The following USP13 variants were observed in gnomAD, a reference collection of about 807,000 sequenced individuals.
USP13 encodes ubiquitin carboxyl-terminal hydrolase 13.
Under a neutral mutation model 107.8 loss-of-function variants are expected in USP13, and 68 were observed. The observed-to-expected ratio is 0.63, with a 90% CI of 0.52 to 0.77. The LOEUF is 0.77. USP13 is among the 30% of genes least tolerant of loss of function. The pLI is 0.00. For synonymous variants in USP13, 377 were observed against 389.5 expected, an observed-to-expected ratio of 0.97 and a Z score of 0.38; for missense variants, 945 against 1,093.3, an observed-to-expected ratio of 0.86 and a Z score of 1.91.
At position 179,701,048 on chromosome 3, in the gene USP13, A is replaced by G. The variant is rs1712498180; in HGVS notation, c.396A>G (p.Glu132=). 6.2e-7 allele frequency: 1 copy of G among 1,613,944 alleles called. No individual in the cohort carries two copies. The highest frequency in any genetic ancestry group is 1.3e-5 in the African/African-American group (1 of 74,926). The part of the protein sequence containing the change: ...TDDDLNSDDY[E]YEDEAKLVIF... ...ACGATTTAAATAGCGACGATTATGA[A>G]TATGAAGATGAAGCCAAACTTGTTA... is the stretch of plus-strand genomic sequence containing the variant. Residue 132 remains glutamate, a synonymous_variant, in exon 4 of 21, where the codon GAA becomes GAG. Transcript: ENST00000263966.
intron 2 of USP13, among the ~76,000 whole-genome samples, chr3:179,683,148 T>G (rs1711728465): frequency 6.6e-6 from 1 of 152,004 alleles, no homozygotes; most frequent in Admixed American, 6.6e-5. Flanking sequence ...TGATGAGTTA[T>G]TTTTACATTC....
rs903875868 is a variant in USP13, at chr3:179,753,585, T to C, written c.1799-1147T>C. 8.5e-5 allele frequency among the ~76,000 whole-genome samples: 13 copies of C among 152,366 alleles called. No individual in the cohort carries two copies. The East Asian group carries it at 2.3e-3, about 27-fold the overall frequency. On this transcript the variant is annotated intron_variant, in intron 14 of 20. Transcript: ENST00000263966. The stretch of plus-strand genomic sequence containing the variant: ...TAAGGAACCTCAAAATGTTCTTGAA[T>C]GAACCTGAATTTTTCTCTTAAGGAG...
chr3:179,746,431 T>C (rs985059732), intron 13 of USP13, among the ~76,000 whole-genome samples: 2 of 150,266 alleles, frequency 1.3e-5, no homozygotes, highest in African/African-American at 2.4e-5. Flanking sequence ...TTTTTGTATA[T>C]TTTTTTTTGT....
intron 2 of USP13, 139 bp downstream of exon 2, chr3:179,682,142 C>A: frequency 9.0e-7 from 1 of 1,108,480 alleles, no homozygotes; most frequent in Non-Finnish European, 1.2e-6. Context: ...AACAGCACTG[C>A]TTGCAAAATC....
intron 19 of USP13, among the ~76,000 whole-genome samples, chr3:179,774,269 T>C (rs1715434852): frequency 1.3e-5 from 2 of 152,242 alleles, no homozygotes; most frequent in African/African-American, 2.4e-5. Flanking sequence ...TCCACCTCCA[T>C]GTCCCAAATA....
intron 1 of USP13, among the ~76,000 whole-genome samples, chr3:179,675,132 G>A (rs1434567442): frequency 1.3e-5 from 2 of 150,954 alleles, no homozygotes; most frequent in Admixed American, 1.3e-4. Context: ...CAGAGATCAC[G>A]CCACTGTACT....
At chr3:179,662,131 C>T (rs897050634) in intron 1 of USP13, among the ~76,000 whole-genome samples, 1 of 152,152 alleles carries the variant, frequency 6.6e-6, no homozygotes, top group Non-Finnish European at 1.5e-5. Flanking sequence ...TATTTTCTGA[C>T]CAAATCTGGA....
intron 6 of USP13, among the ~76,000 whole-genome samples, chr3:179,710,213 T>G (rs1223784077): frequency 6.6e-6 from 1 of 152,188 alleles, no homozygotes; most frequent in East Asian, 1.9e-4. Context: ...GAAAGGAAAT[T>G]CAAGACAAGC....
intron 19 of USP13, among the ~76,000 whole-genome samples, chr3:179,780,469 A>G (rs1715706770): frequency 1.3e-5 from 2 of 152,196 alleles, no homozygotes; most frequent in Admixed American, 6.5e-5. Context: ...TAAGAAAACA[A>G]TATCATTTAC....
intron 19 of USP13, among the ~76,000 whole-genome samples, chr3:179,766,164 G>T: frequency 6.6e-6 from 1 of 152,014 alleles, no homozygotes; most frequent in East Asian, 1.9e-4. Context: ...ATTTTTAGTA[G>T]AGACGGGGAT....
intron 6 of USP13, among the ~76,000 whole-genome samples, chr3:179,713,769 C>T (rs1309920275): frequency 1.3e-5 from 2 of 152,126 alleles, no homozygotes; most frequent in East Asian, 3.9e-4. Flanking sequence ...ACGTGGAATC[C>T]AAGAAGGTTG....
chr3:179,765,621 TTGAA>T, intron 18 of USP13, 70 bp from the exon 19 acceptor site: 1 of 1,533,648 alleles, frequency 6.5e-7, no homozygotes, highest in Non-Finnish European at 8.8e-7. Context: ...TGACATCTAG[TTGAA>T]ATGGTCAGGA....
chr3:179,750,948 G>A (rs1714590498), intron 13 of USP13, among the ~76,000 whole-genome samples: 1 of 152,162 alleles, frequency 6.6e-6, no homozygotes, highest in African/African-American at 2.4e-5. Context: ...ACACTAGGGG[G>A]AAGCAATACA....
At chr3:179,691,911 C>G (rs1712130097) in intron 3 of USP13, among the ~76,000 whole-genome samples, 1 of 152,112 alleles carries the variant, frequency 6.6e-6, no homozygotes, top group Non-Finnish European at 1.5e-5. Context: ...AATATTTGAC[C>G]AAACAAGTTT....
chr3:179,741,349 AC>A (rs199928466), intron 11 of USP13, among the ~76,000 whole-genome samples: 10,794 of 152,168 alleles, frequency 0.071, 916 homozygotes, highest in African/African-American at 0.19. Context: ...CCTTGTTAGA[AC>A]TAGGCTGCAG....
intron 1 of USP13, among the ~76,000 whole-genome samples, chr3:179,669,337 G>A (rs948198122): frequency 5.3e-5 from 8 of 152,130 alleles, no homozygotes; most frequent in Admixed American, 3.9e-4. Flanking sequence ...GCACACGCCT[G>A]TGGTCCCAGC....
intron 10 of USP13, among the ~76,000 whole-genome samples, chr3:179,737,496 G>A (rs1714033543): frequency 6.6e-6 from 1 of 152,180 alleles, no homozygotes; most frequent in Non-Finnish European, 1.5e-5. Context: ...GCATGCTCGT[G>A]TCAGCTGATA....
rs1437012336 is a variant in USP13 at position 179,689,813 on chromosome 3, AGTT to A, written c.295-424_295-422del. On this transcript the variant is annotated intron_variant, in intron 2 of 20. Transcript: ENST00000263966. ...GATATTTATTAAGCCTTTCAACAGT[AGTT>A]GTTAGGCATGCCCAGGGCCAAGCAC... Among the ~76,000 whole-genome samples, 6 of 152,186 alleles carry A rather than the reference AGTT, an allele frequency of 3.9e-5. No individual in the cohort carries two copies. In the East Asian group the frequency reaches 9.6e-4, roughly 24 times the overall value.
chr3:179,684,697 A>G (rs892612546), intron 2 of USP13, among the ~76,000 whole-genome samples: 1 of 150,994 alleles, frequency 6.6e-6, no homozygotes, highest in Non-Finnish European at 1.5e-5. Context: ...TGTTGATCTT[A>G]TTTGTCTGTC....
Sources: gnomAD v4.1 joint callset for allele counts (sites outside exome capture counted in the v4.1 genomes callset) on GRCh38, gnomAD v4.1.1 for gene constraint, MANE v1.5 for transcripts, NCBI Gene and HGNC (gene_info 2026-07-23, HGNC 2026-07-21) for gene names.